Variants in RARA observed in about 807,000 individuals in gnomAD.
The protein encoded by RARA is retinoic acid receptor alpha.
RARA carries 5 observed loss-of-function variants against 42.8 expected under a neutral mutation model. The ratio of observed to expected loss-of-function variants is 0.12; its 90% CI spans 0.06 to 0.25. The LOEUF (loss-of-function observed/expected upper bound fraction) is 0.25, where lower values mean the gene tolerates loss of function less well. Among genes scored for constraint, RARA ranks in the 10% least tolerant of loss-of-function variants. The pLI, the probability that RARA is intolerant of heterozygous loss-of-function variation, is 1.00. For synonymous variants in RARA, 256 were observed against 259.5 expected, an observed-to-expected ratio of 0.99 and a Z score of 0.13; for missense variants, 402 against 628.7, an observed-to-expected ratio of 0.64 and a Z score of 3.86.
At chr17:40,348,728 G>GCCTGC (rs1178507206) in intron 3 of RARA, 1 of 333,620 alleles carries the variant, frequency 3.0e-6, no homozygotes, top group Non-Finnish European at 5.4e-6. Context: ...CAGGGCGTAC[G>GCCTGC]CCTGCTCTGC....
intron 2 of RARA, among the ~76,000 whole-genome samples, chr17:40,331,983 C>A (rs970556060): frequency 1.3e-5 from 2 of 152,186 alleles, no homozygotes; most frequent in Non-Finnish European, 2.9e-5. Context: ...GGGTGAGTGT[C>A]CCAGGAGGGG....
intron 6 of RARA, among the ~76,000 whole-genome samples, chr17:40,353,835 G>T (rs1387276983): frequency 6.6e-6 from 1 of 152,110 alleles, no homozygotes; most frequent in African/African-American, 2.4e-5. Flanking sequence ...GTGCCGTCTG[G>T]GTTCCTGCAA....
chr17:40,338,464 G>A (rs1218625213), intron 2 of RARA, among the ~76,000 whole-genome samples: 1 of 152,106 alleles, frequency 6.6e-6, no homozygotes, highest in Non-Finnish European at 1.5e-5. Flanking sequence ...GCCTTCCATG[G>A]GCAGGAGTCT....
chr17:40,316,115 C>T (rs1469715941), intron 1 of RARA, among the ~76,000 whole-genome samples: 4 of 152,218 alleles, frequency 2.6e-5, no homozygotes, highest in Non-Finnish European at 5.9e-5. Flanking sequence ...TTGGGTAGGG[C>T]TGGGCCTTGG....
At chr17:40,322,627 G>A (rs1399489044) in intron 1 of RARA, among the ~76,000 whole-genome samples, 2 of 151,954 alleles carry the variant, frequency 1.3e-5, no homozygotes, top group East Asian at 1.9e-4. Flanking sequence ...TCTGTCCCTC[G>A]CCCTACAGTG....
chr17:40,322,853 A>T (rs1437246493), intron 1 of RARA: 1 of 152,146 alleles, frequency 6.6e-6, no homozygotes, highest in Non-Finnish European at 1.5e-5. Context: ...CTCCAGCTCC[A>T]GGTAGGAGAA....
intron 2 of RARA, among the ~76,000 whole-genome samples, chr17:40,332,118 C>T (rs780710469): frequency 4.6e-5 from 7 of 152,292 alleles, no homozygotes; most frequent in African/African-American, 9.6e-5. Flanking sequence ...TACCCTTCGC[C>T]GGCTGGCCGA....
intron 2 of RARA, chr17:40,341,396 T>C: frequency 6.7e-7 from 1 of 1,492,066 alleles, no homozygotes; most frequent in African/African-American, 1.5e-5. Flanking sequence ...ACACATGATG[T>C]CACAGACAAT....
At chr17:40,324,518 A>AC (rs2033483357) in intron 1 of RARA, among the ~76,000 whole-genome samples, 1 of 151,034 alleles carries the variant, frequency 6.6e-6, no homozygotes, top group Admixed American at 6.6e-5. Flanking sequence ...ACCAGCAGAG[A>AC]CCCCCACTTC....
At chr17:40,312,032 G>A (rs1180423344) in intron 1 of RARA, among the ~76,000 whole-genome samples, 1 of 152,136 alleles carries the variant, frequency 6.6e-6, no homozygotes, top group Non-Finnish European at 1.5e-5. Flanking sequence ...CCTGGTTTTG[G>A]GGAGCAAGGG....
intron 2 of RARA, among the ~76,000 whole-genome samples, chr17:40,340,560 GAACTAC>G (rs1217047902): frequency 2.0e-5 from 3 of 152,160 alleles, no homozygotes; most frequent in Admixed American, 1.3e-4. Context: ...CCTTTAACTG[GAACTAC>G]ACTCCTTTCT....
At chr17:40,341,772 AC>A in intron 2 of RARA, 1 of 1,290,100 alleles carries the variant, frequency 7.8e-7, no homozygotes, top group Non-Finnish European at 9.8e-7. Flanking sequence ...CACCTCCTCC[AC>A]CACGGCTTCG....
In RARA at chr17:40,355,291, G is replaced by C. The variant is rs751435156; in HGVS notation, c.1041G>C (p.Arg347=). 1 of 1,594,854 alleles carries C rather than the reference G, an allele frequency of 6.3e-7. No individual in the cohort carries two copies. Among genetic ancestry groups the C allele is most frequent in the Non-Finnish European group, 8.5e-7 (1 of 1,170,494 alleles). Reference sequence around the variant, plus strand: ...GCCAGGACCTGGAGCAGCCGGACCGGGTGGACATGCTGCAGGAGCCGCTGC... The same window carrying C: ...GCCAGGACCTGGAGCAGCCGGACCGCGTGGACATGCTGCAGGAGCCGCTGC... ...GDRQDLEQPD[R]VDMLQEPLLE... Residue 347 remains arginine (R), a synonymous_variant, in exon 8 of 9, where the codon CGG becomes CGC. Transcript: ENST00000254066. This position sits in a 1 kb window ranked among gnomAD's most constrained non-coding sequence, Gnocchi z 4.1.
intron 2 of RARA, among the ~76,000 whole-genome samples, chr17:40,335,313 C>A (rs1212933961): frequency 6.6e-6 from 1 of 151,986 alleles, no homozygotes; most frequent in Non-Finnish European, 1.5e-5. Context: ...ACTGATCTGC[C>A]TTTTTTTGTT....
Position 40,356,375 on chromosome 17 carries a change from G to A in RARA, c.*149G>A. The A allele has an allele frequency of 2.2e-6, 2 of 897,774 alleles. No individual in the cohort carries two copies. The highest frequency in any genetic ancestry group is 1.8e-6 in the Non-Finnish European group (1 of 564,044). 55.6% of individuals were successfully genotyped at this position (897,774 alleles called of 1,614,324 possible). A position where few individuals can be genotyped will look rare whatever the true frequency, so the allele number is the denominator to read the frequency against. ...TCCCTGGGGGACGGGGAGGGAGGAG[G>A]CAGCGACTCCTTGGACAGAGGCCTG... is the stretch of plus-strand genomic sequence containing the variant. On this transcript the variant is annotated 3_prime_UTR_variant, in exon 9 of 9. Coordinates refer to ENST00000254066, the MANE Select transcript of RARA (RefSeq NM_000964.4).
intron 4 of RARA, chr17:40,350,371 C>A (rs994365839): frequency 6.3e-6 from 1 of 157,750 alleles, no homozygotes; most frequent in Non-Finnish European, 1.4e-5. Context: ...GAAGGGCTGG[C>A]ACAAGGATCC....
At position 40,352,241 on chromosome 17, in the gene RARA, G is replaced by C. The variant is rs1416882527; in HGVS notation, c.631-90G>C. ...CCCAAGGAGCTCCCAGGAAGTGAAG[G>C]CTGGGTAGAGGGCAGGCCTGTGGGG... is the stretch of plus-strand genomic sequence containing the variant. On this transcript the variant is annotated intron_variant, in intron 5 of 8. Coordinates refer to ENST00000254066, the MANE Select transcript of RARA (RefSeq NM_000964.4). The surrounding 1 kb of genome is among the most constrained non-coding windows in gnomAD (Gnocchi z 4.9). The C allele has an allele frequency of 2.0e-5, 30 of 1,508,136 alleles. No homozygotes were observed. The East Asian group carries it at 6.7e-4, about 34-fold the overall frequency. 93.4% of individuals were successfully genotyped at this position (1,508,136 alleles called of 1,614,324 possible).
chr17:40,342,745 C>T, intron 2 of RARA: 1 of 1,612,200 alleles, frequency 6.2e-7, no homozygotes, highest in Non-Finnish European at 8.5e-7. Flanking sequence ...ACCCCTAATC[C>T]CTTCCTAGTG....
rs1397607331 is a variant in RARA, at chr17:40,355,240, A to G, written c.1013-23A>G. ...GGTGCAGCTGTGTTCCCAGCTGCTC[A>G]GGGGGTGGTTCTGCTTCCTCAGACC... On this transcript the variant is annotated intron_variant, in intron 7 of 8. Transcript: ENST00000254066. This position sits in a 1 kb window ranked among gnomAD's most constrained non-coding sequence, Gnocchi z 4.1. 6.5e-7 allele frequency: 1 copy of G among 1,550,220 alleles called. No individual in the cohort carries two copies. The highest frequency in any genetic ancestry group is 8.7e-7 in the Non-Finnish European group (1 of 1,145,786).
Sources: gnomAD v4.1 joint callset for allele counts (sites outside exome capture counted in the v4.1 genomes callset) on GRCh38, gnomAD v4.1.1 for gene constraint, Gnocchi (gnomAD v3.1) non-coding constraint, MANE v1.5 for transcripts, NCBI Gene and HGNC (gene_info 2026-07-23, HGNC 2026-07-21) for gene names.